UHRF2: variants seen among roughly 807,000 people sequenced by gnomAD.
UHRF2 encodes E3 ubiquitin-protein ligase UHRF2.
A neutral mutation model predicts 96.8 loss-of-function variants in UHRF2; 23 were observed. The ratio of observed to expected loss-of-function variants is 0.24; its 90% CI spans 0.17 to 0.34. The LOEUF (loss-of-function observed/expected upper bound fraction) is 0.34, where lower values mean the gene tolerates loss of function less well. Among genes scored for constraint, UHRF2 ranks in the 10% least tolerant of loss-of-function variants. UHRF2 has a pLI of 1.00. For synonymous variants in UHRF2, 385 were observed against 332.6 expected (o/e 1.16, Z -1.72); for missense variants, 685 against 981.5 (o/e 0.70, Z 4.04).
Position 6,482,014 on chromosome 9 carries a change from C to T in UHRF2, c.1307C>T (p.Thr436Met), listed in dbSNP as rs751221575. 7 of 1,613,682 alleles carry T rather than the reference C, an allele frequency of 4.3e-6. No individual in the cohort carries two copies. Among genetic ancestry groups the T allele is most frequent in the Admixed American group, 1.7e-5 (1 of 59,982 alleles). The part of the protein sequence containing the change: ...WGRGMACVGR[T>M]RECTIVPSNH... ...TAGGGAATGGCTTGTGTTGGTCGTACGAGAGAATGTACTATTGTCCCTTCT... is the reference window on the plus strand; with the variant it reads ...TAGGGAATGGCTTGTGTTGGTCGTATGAGAGAATGTACTATTGTCCCTTCT... The change falls in exon 8 of 16, where the codon ACG becomes ATG. Residue 436 changes from threonine to methionine, a missense_variant. By Grantham distance (81) the Thr-to-Met change is moderately conservative (BLOSUM62 -1). Transcript: ENST00000276893.
chr9:6,498,345 C>CT (rs1825083918), intron 12 of UHRF2, 187 bp downstream of exon 12: 1 of 550,532 alleles, frequency 1.8e-6, no homozygotes, highest in East Asian at 3.5e-5. Context: ...TCAGACTGCC[C>CT]TGGGACCAAG....
chr9:6,420,272 G>T lies in UHRF2; in HGVS notation c.154-640G>T, dbSNP rs543806352. On this transcript the variant is annotated intron_variant, in intron 1 of 15. Transcript: ENST00000276893. ...GGGTTTCACCATGTTGGTCAGCCTG[G>T]TCTCAAACTCCTGACCTCGTCATCT... is the stretch of plus-strand genomic sequence containing the variant. Among the ~76,000 whole-genome samples the T allele has an allele frequency of 1.1e-4, 17 of 151,862 alleles. No homozygotes were observed. The South Asian group carries it at 3.5e-3, about 32-fold the overall frequency.
chr9:6,475,532 A>C, intron 5 of UHRF2, 32 bp downstream of exon 5: 1 of 1,383,118 alleles, frequency 7.2e-7, no homozygotes, highest in Non-Finnish European at 1.0e-6. Context: ...CTTAGACTAC[A>C]TGTGTTGTAC....
chr9:6,482,267 A>G (rs949293598), intron 8 of UHRF2, among the ~76,000 whole-genome samples, 168 bp downstream of exon 8: 7 of 152,234 alleles, frequency 4.6e-5, no homozygotes, highest in Non-Finnish European at 8.8e-5. Flanking sequence ...AAAGGAACAT[A>G]CATCACAGAA....
intron 2 of UHRF2, among the ~76,000 whole-genome samples, chr9:6,423,805 T>A (rs1306076430): frequency 6.6e-6 from 1 of 151,904 alleles, no homozygotes; most frequent in East Asian, 1.9e-4. Context: ...ATTAGCTGGA[T>A]GCGATGGCAG....
At chr9:6,439,335 C>T (rs376760067) in intron 3 of UHRF2, among the ~76,000 whole-genome samples, 1 of 152,124 alleles carries the variant, frequency 6.6e-6, no homozygotes, top group African/African-American at 2.4e-5. Context: ...ACCACCACGC[C>T]CGGCTAATTT....
chr9:6,472,377 G>A (rs199558414), intron 4 of UHRF2, among the ~76,000 whole-genome samples: 13 of 152,328 alleles, frequency 8.5e-5, no homozygotes, highest in Non-Finnish European at 1.8e-4. Flanking sequence ...AGTATAACAT[G>A]CTTACAAGGA....
intron 2 of UHRF2, among the ~76,000 whole-genome samples, chr9:6,424,865 G>A (rs887575434): frequency 6.9e-6 from 1 of 144,248 alleles, no homozygotes; most frequent in Admixed American, 7.1e-5. Context: ...GGATTCATTT[G>A]TTTTCCTTAT....
chr9:6,490,750 A>G (rs1213937922), intron 9 of UHRF2, among the ~76,000 whole-genome samples: 2 of 152,210 alleles, frequency 1.3e-5, no homozygotes, highest in Admixed American at 6.5e-5. Flanking sequence ...ATGAACTGCT[A>G]ATTGTCTTAG....
At chr9:6,456,230 A>T (rs375835) in intron 3 of UHRF2, among the ~76,000 whole-genome samples, 73,451 of 151,840 alleles carry the variant, frequency 0.48, 18,611 homozygotes, top group East Asian at 0.59. Context: ...TCGCCATTCT[A>T]ACTGGCGTGA....
chr9:6,415,498 T>G (rs1587749524), intron 1 of UHRF2: 1 of 152,150 alleles, frequency 6.6e-6, no homozygotes, highest in Non-Finnish European at 1.5e-5. Context: ...TCTCTGGAGC[T>G]CCACAGATGA....
intron 14 of UHRF2, among the ~76,000 whole-genome samples, chr9:6,502,905 T>C (rs561497819): frequency 1.3e-5 from 2 of 152,350 alleles, no homozygotes; most frequent in Admixed American, 1.3e-4. Context: ...TATTTGACTT[T>C]AATGATCCAT....
At chr9:6,429,057 C>G (rs544419255) in intron 2 of UHRF2, among the ~76,000 whole-genome samples, 1 of 152,090 alleles carries the variant, frequency 6.6e-6, no homozygotes, top group African/African-American at 2.4e-5. Flanking sequence ...CCCAGCTACT[C>G]AGGAGGCTGA....
At chr9:6,429,936 T>A (rs73399700) in intron 2 of UHRF2, among the ~76,000 whole-genome samples, 2,692 of 152,340 alleles carry the variant, frequency 0.018, 73 homozygotes, top group African/African-American at 0.062. Flanking sequence ...TTTCTTTTTT[T>A]AATGATTGCC....
At chr9:6,472,789 G>A (rs1823326014) in intron 4 of UHRF2, among the ~76,000 whole-genome samples, 1 of 152,182 alleles carries the variant, frequency 6.6e-6, no homozygotes, top group South Asian at 2.1e-4. Context: ...TGCGTGTAAT[G>A]TGGGATAAAG....
chr9:6,453,183 T>C (rs1821971863), intron 3 of UHRF2, among the ~76,000 whole-genome samples: 1 of 152,184 alleles, frequency 6.6e-6, no homozygotes, highest in Non-Finnish European at 1.5e-5. Flanking sequence ...ATAGCTTAAA[T>C]TCCCTTGCTG....
intron 3 of UHRF2, among the ~76,000 whole-genome samples, chr9:6,450,931 C>G (rs1423858681): frequency 7.2e-5 from 11 of 152,116 alleles, no homozygotes; most frequent in African/African-American, 2.7e-4. Context: ...GGTCATGTTT[C>G]TAGGTCTTTT....
At chr9:6,488,283 A>C (rs1824432927) in intron 9 of UHRF2, among the ~76,000 whole-genome samples, 1 of 103,314 alleles carries the variant, frequency 9.7e-6, no homozygotes, top group South Asian at 3.1e-4. Context: ...AAAAAAAAAA[A>C]AAAAAAAAAA....
At chr9:6,434,238 T>C in intron 3 of UHRF2, 65 bp downstream of exon 3, 1 of 1,500,276 alleles carries the variant, frequency 6.7e-7, no homozygotes, top group Non-Finnish European at 8.9e-7. Context: ...AGCCTTCTAT[T>C]TCAAGATTAT....
Sources: gnomAD v4.1 joint callset for allele counts (sites outside exome capture counted in the v4.1 genomes callset) on GRCh38, gnomAD v4.1.1 for gene constraint, MANE v1.5 for transcripts, NCBI Gene and HGNC (gene_info 2026-07-23, HGNC 2026-07-21) for gene names.